CAT: variants seen among roughly 807,000 people sequenced by gnomAD.
CAT encodes the protein catalase.
In CAT, 43 loss-of-function variants were observed where a neutral mutation model predicts 59.0. That is an observed-to-expected ratio of 0.73 (90% CI 0.57 to 0.94). CAT has a LOEUF of 0.94. Among genes scored for constraint, CAT ranks in the 40% least tolerant of loss-of-function variants. CAT has a pLI of 0.00. For synonymous variants in CAT, 218 were observed against 230.9 expected (o/e 0.94, Z 0.51); for missense variants, 664 against 682.9 (o/e 0.97, Z 0.31).
intron 10 of CAT, among the ~76,000 whole-genome samples, chr11:34,465,598 A>G (rs1365612098): frequency 1.3e-5 from 2 of 152,188 alleles, no homozygotes; most frequent in African/African-American, 4.8e-5. Context: ...GCTCATTCTT[A>G]TTGAGAGAAT....
intron 10 of CAT, among the ~76,000 whole-genome samples, chr11:34,466,593 C>T (rs868315277): frequency 5.3e-5 from 8 of 150,666 alleles, no homozygotes; most frequent in South Asian, 2.1e-4. Context: ...CTGGCTAACA[C>T]GGTGAAACCC....
At chr11:34,442,654 G>C (rs1465027932) in intron 1 of CAT, among the ~76,000 whole-genome samples, 3 of 152,184 alleles carry the variant, frequency 2.0e-5, no homozygotes, top group Admixed American at 6.5e-5. Context: ...GCCCAAAGTG[G>C]TTTGAGGTTG....
intron 8 of CAT, 77 bp downstream of exon 8, chr11:34,456,894 G>A: frequency 6.9e-7 from 1 of 1,448,384 alleles, no homozygotes. Context: ...AGCTTGGCAT[G>A]ATCTTTATGT....
Position 34,451,012 on chromosome 11 carries a change from C to A in CAT, c.263C>A (p.Thr88Lys). ...GGGGCCTTTGGCTACTTTGAGGTCA[C>A]ACATGACATTACCAAATACTCCAAG... ...GAGAFGYFEV[T>K]HDITKYSKAK... Residue 88 changes from threonine (T) to lysine (K), a missense_variant, in exon 3 of 13, where the codon ACA becomes AAA. Physicochemically the swap from Thr to Lys is moderately conservative, Grantham distance 78. Coordinates refer to ENST00000241052, the MANE Select transcript of CAT (RefSeq NM_001752.4). 6.2e-7 allele frequency: 1 copy of A among 1,613,020 alleles called. No individual in the cohort carries two copies. The highest frequency in any genetic ancestry group is 8.5e-7 in the Non-Finnish European group (1 of 1,178,996).
At position 34,452,132 on chromosome 11, in the gene CAT, A is replaced by G; in HGVS notation, c.405A>G (p.Lys135=). Residue 135 remains lysine, a synonymous_variant, in exon 4 of 13, where the codon AAA becomes AAG. Transcript: ENST00000241052. ...TVRDPRGFAV[K]FYTEDGNWDL... is the part of the protein sequence containing the mutation. ...GGGACCCTCGTGGGTTTGCAGTGAAATTTTACACAGAAGATGGTAACTGGG... is the reference window on the plus strand; with the variant it reads ...GGGACCCTCGTGGGTTTGCAGTGAAGTTTTACACAGAAGATGGTAACTGGG... 1 of 1,613,798 alleles carries G rather than the reference A, an allele frequency of 6.2e-7. No individual in the cohort carries two copies. The highest frequency in any genetic ancestry group is 8.5e-7 in the Non-Finnish European group (1 of 1,179,782).
chr11:34,457,101 T>G, intron 8 of CAT: 1 of 404,098 alleles, frequency 2.5e-6, no homozygotes, highest in Non-Finnish European at 4.5e-6. Context: ...ATAATAGAAA[T>G]ACCTTAAGTA....
intron 10 of CAT, among the ~76,000 whole-genome samples, chr11:34,467,470 A>G (rs1459447618): frequency 6.6e-6 from 1 of 150,910 alleles, no homozygotes; most frequent in East Asian, 1.9e-4. Flanking sequence ...TGACTTATGG[A>G]AATGATGCAT....
chr11:34,456,641 T>A, intron 7 of CAT, 24 bp from the exon 8 acceptor site: 1 of 1,611,524 alleles, frequency 6.2e-7, no homozygotes, highest in South Asian at 1.1e-5. Context: ...TGCCTGGTAA[T>A]TGTGAATATG....
chr11:34,441,559 C>T (rs1856389973), intron 1 of CAT, among the ~76,000 whole-genome samples: 1 of 152,140 alleles, frequency 6.6e-6, no homozygotes, highest in Non-Finnish European at 1.5e-5. Context: ...CTTTTGGAGG[C>T]TGAGGTGGGA....
intron 12 of CAT, 26 bp from the exon 13 acceptor site, chr11:34,471,342 C>T: frequency 6.3e-7 from 1 of 1,597,188 alleles, no homozygotes; most frequent in Non-Finnish European, 8.6e-7. Flanking sequence ...GGTGATTAAC[C>T]TGCTCATCTT....
intron 8 of CAT, among the ~76,000 whole-genome samples, chr11:34,457,399 G>A (rs1039180855): frequency 6.6e-6 from 1 of 151,718 alleles, no homozygotes; most frequent in African/African-American, 2.4e-5. Context: ...TAGAGACGGG[G>A]TTTCACCCTG....
chr11:34,463,776 C>A (rs1200722572), intron 9 of CAT, among the ~76,000 whole-genome samples: 1 of 152,106 alleles, frequency 6.6e-6, no homozygotes, highest in Non-Finnish European at 1.5e-5. Context: ...CCAAATCAAG[C>A]CTGTATAAAC....
chr11:34,464,215 AATG>A lies in CAT; in HGVS notation c.1312_1314del (p.Asp438del), dbSNP rs752349991. On this transcript the variant is annotated inframe_deletion, in exon 10 of 13. Coordinates refer to ENST00000241052, the MANE Select transcript of CAT (RefSeq NM_001752.4). ...AGAAGTGCGGAGATTCAACACTGCC[AATG>A]ATGATAACGTTACTCAGGTAATGAC... 4 of 1,614,130 alleles carry A rather than the reference AATG, an allele frequency of 2.5e-6. No homozygotes were observed. Among genetic ancestry groups the A allele is most frequent in the Non-Finnish European group, 3.4e-6 (4 of 1,179,968 alleles).
At chr11:34,442,999 A>G (rs1590297874) in intron 1 of CAT, among the ~76,000 whole-genome samples, 1 of 152,188 alleles carries the variant, frequency 6.6e-6, no homozygotes, top group Admixed American at 6.5e-5. Flanking sequence ...CATGCAACAT[A>G]ATTTCTTTTT....
In CAT at chr11:34,461,290, C is replaced by T; in HGVS notation, c.1096C>T (p.Leu366=). ...CTATCCTGACACTCACCGCCATCGC[C>T]TGGGACCCAATTATCTTCATATACC... is the stretch of plus-strand genomic sequence containing the variant. ...FAYPDTHRHR[L]GPNYLHIPVN... Residue 366 remains leucine, a synonymous_variant, in exon 9 of 13, where the codon CTG becomes TTG. Coordinates refer to ENST00000241052, the MANE Select transcript of CAT (RefSeq NM_001752.4). 6.2e-7 allele frequency: 1 copy of T among 1,614,264 alleles called. No individual in the cohort carries two copies. Among genetic ancestry groups the T allele is most frequent in the African/African-American group, 1.3e-5 (1 of 75,078 alleles).
intron 11 of CAT, among the ~76,000 whole-genome samples, chr11:34,469,273 G>A (rs913654590): frequency 6.6e-6 from 1 of 152,214 alleles, no homozygotes; most frequent in African/African-American, 2.4e-5. Flanking sequence ...TATCAGCAGA[G>A]AGCTTGACAG....
In CAT at chr11:34,449,218, T is replaced by C. The variant is rs1398788178; in HGVS notation, c.93T>C (p.Ala31=). Residue 31 remains alanine (A), a synonymous_variant, in exon 2 of 13, where the codon GCT becomes GCC. Transcript: ENST00000241052. ...AQKADVLTTG[A]GNPVGDKLNV... is the part of the protein sequence containing the mutation. ...AAGCTGATGTCCTGACCACTGGAGCTGGTAACCCAGTAGGAGACAAACTTA... is the reference window on the plus strand; with the variant it reads ...AAGCTGATGTCCTGACCACTGGAGCCGGTAACCCAGTAGGAGACAAACTTA... 6.2e-7 allele frequency: 1 copy of C among 1,614,162 alleles called. No individual in the cohort carries two copies. The highest frequency in any genetic ancestry group is 1.1e-5 in the South Asian group (1 of 91,084).
Position 34,468,351 on chromosome 11 carries a change from G to T in CAT, c.1390G>T (p.Ala464Ser). 6.2e-7 allele frequency: 1 copy of T among 1,614,090 alleles called. No homozygotes were observed. The highest frequency in any genetic ancestry group is 8.5e-7 in the Non-Finnish European group (1 of 1,179,982). ...GAGGAAACGTCTGTGTGAGAACATTGCCGGCCACCTGAAGGATGCACAAAT... is the reference window on the plus strand; with the variant it reads ...GAGGAAACGTCTGTGTGAGAACATTTCCGGCCACCTGAAGGATGCACAAAT... Reference protein sequence around the residue: ...EQRKRLCENIAGHLKDAQIFI... With the variant: ...EQRKRLCENISGHLKDAQIFI... The change falls in exon 11 of 13, where the codon GCC (alanine) becomes TCC (serine). Residue 464 changes from alanine (A) to serine (S), a missense_variant. By Grantham distance (99) the Ala-to-Ser change is moderately conservative. Coordinates refer to ENST00000241052, the MANE Select transcript of CAT (RefSeq NM_001752.4).
chr11:34,451,181 T>C (rs1221058406), intron 3 of CAT, 83 bp downstream of exon 3: 8 of 876,542 alleles, frequency 9.1e-6, no homozygotes, highest in Non-Finnish European at 1.6e-5. Context: ...GAAAAAGTTA[T>C]TAGAAAATAG....
Sources: allele counts gnomAD v4.1 joint callset (sites outside exome capture counted in the v4.1 genomes callset), GRCh38; gene constraint gnomAD v4.1.1; transcripts MANE v1.5; gene names NCBI Gene and HGNC (gene_info 2026-07-23, HGNC 2026-07-21).